Variants in UNC5C observed in about 807,000 individuals in gnomAD.
The protein encoded by UNC5C is netrin receptor UNC5C.
UNC5C carries 47 observed loss-of-function variants against 99.8 expected under a neutral mutation model. That is an observed-to-expected ratio of 0.47 (90% CI 0.37 to 0.60). UNC5C has a LOEUF of 0.60. Among genes scored for constraint, UNC5C ranks in the 20% least tolerant of loss-of-function variants. UNC5C has a pLI of 0.00. For synonymous variants in UNC5C, 487 were observed against 452.2 expected (o/e 1.08, Z -0.98); for missense variants, 1,062 against 1,165.9 (o/e 0.91, Z 1.30).
intron 1 of UNC5C, among the ~76,000 whole-genome samples, chr4:95,337,294 A>G (rs1743388417): frequency 6.6e-6 from 1 of 151,990 alleles, no homozygotes; most frequent in Middle Eastern, 3.2e-3. Flanking sequence ...TATTTATTTA[A>G]GCATGCAAAG....
At chr4:95,480,975 T>C (rs1412236508) in intron 1 of UNC5C, among the ~76,000 whole-genome samples, 2 of 150,310 alleles carry the variant, frequency 1.3e-5, no homozygotes, top group Admixed American at 6.6e-5. Context: ...CTCTCACCAC[T>C]CCTATTCAAC....
At chr4:95,429,280 T>TAAAAAAAAAAAA (rs112203195) in intron 1 of UNC5C, among the ~76,000 whole-genome samples, 1 of 94,962 alleles carries the variant, frequency 1.1e-5, no homozygotes, top group African/African-American at 3.0e-5. Flanking sequence ...TAGTGATTCT[T>TAAAAAAAAAAAA]AAAAAAAAAA....
intron 1 of UNC5C, among the ~76,000 whole-genome samples, chr4:95,510,911 G>A (rs758619490): frequency 9.9e-5 from 15 of 152,126 alleles, no homozygotes; most frequent in Non-Finnish European, 1.9e-4. Context: ...GAAGAAAAAA[G>A]TGGTTGAGTT....
intron 4 of UNC5C, among the ~76,000 whole-genome samples, chr4:95,258,565 C>T (rs1043141511): frequency 1.3e-5 from 2 of 152,002 alleles, no homozygotes; most frequent in Admixed American, 6.6e-5. Context: ...GGTTCAGTAA[C>T]TATAGTCCTT....
At chr4:95,485,918 T>G (rs1212581384) in intron 1 of UNC5C, among the ~76,000 whole-genome samples, 1 of 151,618 alleles carries the variant, frequency 6.6e-6, no homozygotes, top group African/African-American at 2.4e-5. Context: ...TTCCAATATC[T>G]TTTCCATTAA....
In UNC5C at chr4:95,186,891, C is replaced by T. The variant is rs149742763; in HGVS notation, c.2137-1695G>A. Among the ~76,000 whole-genome samples, 941 of 152,236 alleles carry T rather than the reference C, an allele frequency of 6.2e-3. 13 individuals carry two copies. The highest frequency in any genetic ancestry group is 0.021 in the African/African-American group (855 of 41,520). ...TCATTGTCCCCCTAGTCTGCTGTGC[C>T]TGAGCTCAGCAGGCTCCGAGGGTCT... On this transcript the variant is annotated intron_variant, in intron 12 of 15. Coordinates refer to ENST00000453304, the MANE Select transcript of UNC5C (RefSeq NM_003728.4).
chr4:95,368,889 CTGTGTGTGTGTGTA>C (rs1312339002), intron 1 of UNC5C, among the ~76,000 whole-genome samples: 2 of 150,892 alleles, frequency 1.3e-5, no homozygotes, highest in East Asian at 2.0e-4. Flanking sequence ...TTATAAAATC[CTGTGTGTGTGTGTA>C]TGTGTGTGTG....
chr4:95,311,425 T>C (rs1019059881), intron 2 of UNC5C, among the ~76,000 whole-genome samples: 2 of 152,250 alleles, frequency 1.3e-5, no homozygotes, highest in African/African-American at 4.8e-5. Flanking sequence ...ATATTACACA[T>C]ATTTGAATGT....
chr4:95,398,471 T>C (rs191941788), intron 1 of UNC5C, among the ~76,000 whole-genome samples: 112 of 152,222 alleles, frequency 7.4e-4, no homozygotes, highest in Admixed American at 1.1e-3. Context: ...CAATTGTGTA[T>C]TTGCTAAGCA....
At chr4:95,350,346 G>T (rs1743939440) in intron 1 of UNC5C, among the ~76,000 whole-genome samples, 2 of 152,012 alleles carry the variant, frequency 1.3e-5, no homozygotes, top group Admixed American at 1.3e-4. Flanking sequence ...AATTAGCTGG[G>T]CATGGTGGCA....
At chr4:95,276,396 T>C (rs564758208) in intron 4 of UNC5C, among the ~76,000 whole-genome samples, 1 of 152,294 alleles carries the variant, frequency 6.6e-6, no homozygotes, top group Non-Finnish European at 1.5e-5. Context: ...ACAAATAGAA[T>C]TCACAGCCAA....
chr4:95,427,523 C>G (rs559589310), intron 1 of UNC5C, among the ~76,000 whole-genome samples: 1 of 152,262 alleles, frequency 6.6e-6, no homozygotes. Flanking sequence ...AACCTCCATC[C>G]TGATTAGTCA....
At chr4:95,391,152 C>A (rs992376346) in intron 1 of UNC5C, among the ~76,000 whole-genome samples, 2 of 152,174 alleles carry the variant, frequency 1.3e-5, no homozygotes, top group African/African-American at 4.8e-5. Flanking sequence ...GATTGTGAGG[C>A]CTCCCCAGTC....
At chr4:95,337,990 A>G (rs1743412916) in intron 1 of UNC5C, among the ~76,000 whole-genome samples, 1 of 152,054 alleles carries the variant, frequency 6.6e-6, no homozygotes, top group Non-Finnish European at 1.5e-5. Context: ...TATAGGCAAT[A>G]TGGCATATCA....
At chr4:95,369,298 G>T (rs1041588890) in intron 1 of UNC5C, among the ~76,000 whole-genome samples, 6 of 151,922 alleles carry the variant, frequency 3.9e-5, no homozygotes, top group African/African-American at 1.5e-4. Context: ...CACCTGTAAT[G>T]CCAGCCCTTT....
At chr4:95,341,378 C>T (rs990673528) in intron 1 of UNC5C, among the ~76,000 whole-genome samples, 9 of 151,546 alleles carry the variant, frequency 5.9e-5, no homozygotes, top group African/African-American at 1.9e-4. Flanking sequence ...TGGATTTGTA[C>T]GTATTGACCT....
At chr4:95,290,173 G>A (rs749286961) in intron 3 of UNC5C, among the ~76,000 whole-genome samples, 1 of 152,020 alleles carries the variant, frequency 6.6e-6, no homozygotes, top group Non-Finnish European at 1.5e-5. Flanking sequence ...GAGTATGGTA[G>A]TAGGTATCTG....
chr4:95,274,583 A>T (rs555822245), intron 4 of UNC5C, among the ~76,000 whole-genome samples: 1 of 151,934 alleles, frequency 6.6e-6, no homozygotes, highest in Non-Finnish European at 1.5e-5. Context: ...CTCCTCTGAG[A>T]CTTACTTTGT....
intron 12 of UNC5C, among the ~76,000 whole-genome samples, chr4:95,185,615 A>T (rs1476138862): frequency 6.6e-6 from 1 of 152,248 alleles, no homozygotes; most frequent in Admixed American, 6.5e-5. Flanking sequence ...ACAAAAAGGG[A>T]CAAATAACTA....
Sources: allele counts gnomAD v4.1 joint callset (sites outside exome capture counted in the v4.1 genomes callset), GRCh38; gene constraint gnomAD v4.1.1; transcripts MANE v1.5; gene names NCBI Gene and HGNC (gene_info 2026-07-23, HGNC 2026-07-21).